The following USP54 variants were observed in gnomAD, a reference collection of about 807,000 sequenced individuals.
USP54 encodes ubiquitin specific peptidase 54.
A neutral mutation model predicts 170.5 loss-of-function variants in USP54; 87 were observed. The ratio of observed to expected loss-of-function variants is 0.51; its 90% CI spans 0.43 to 0.61. The LOEUF is 0.61. USP54 is among the 20% of genes least tolerant of loss of function. The probability of loss-of-function intolerance (pLI) is 0.00; values close to 1 mark genes in which losing one functional copy is unlikely to be tolerated. For missense variants in USP54, 1,786 were observed against 2,047.8 expected, an observed-to-expected ratio of 0.87 and a Z score of 2.47; for synonymous variants, 655 against 742.8, an observed-to-expected ratio of 0.88 and a Z score of 1.92.
chr10:73,555,469 T>C (rs1338386520), intron 4 of USP54, among the ~76,000 whole-genome samples: 1 of 152,168 alleles, frequency 6.6e-6, no homozygotes, highest in Non-Finnish European at 1.5e-5. Context: ...CTACCAGCTA[T>C]GCAAAATAGA....
intron 4 of USP54, among the ~76,000 whole-genome samples, chr10:73,568,966 A>C (rs571221277): frequency 6.6e-6 from 1 of 152,326 alleles, no homozygotes; most frequent in Admixed American, 6.5e-5. Context: ...AGGAAAATGA[A>C]ATATAACAAG....
intron 4 of USP54, among the ~76,000 whole-genome samples, chr10:73,565,892 T>C (rs1380462642): frequency 1.3e-5 from 2 of 152,174 alleles, no homozygotes; most frequent in African/African-American, 4.8e-5. Flanking sequence ...GTCATGTTGG[T>C]AGTCATCTGG....
chr10:73,514,941 G>A (rs777218139), intron 20 of USP54, among the ~76,000 whole-genome samples: 1 of 151,690 alleles, frequency 6.6e-6, no homozygotes, highest in African/African-American at 2.4e-5. Context: ...TTGGGAGGCT[G>A]AGGCAGGAGA....
intron 1 of USP54, among the ~76,000 whole-genome samples, chr10:73,618,400 T>G (rs2080819527): frequency 1.3e-5 from 2 of 150,178 alleles, no homozygotes; most frequent in South Asian, 4.1e-4. Flanking sequence ...TAGCCAGGAC[T>G]ATAGGCGCAT....
chr10:73,541,258 C>A, intron 9 of USP54, 117 bp downstream of exon 9: 1 of 1,448,580 alleles, frequency 6.9e-7, no homozygotes, highest in Non-Finnish European at 9.3e-7. Context: ...GTTTATCTGT[C>A]CAAAACATTA....
intron 15 of USP54, among the ~76,000 whole-genome samples, chr10:73,527,795 T>TTCAAG (rs2063188505): frequency 7.1e-6 from 1 of 141,198 alleles, no homozygotes; most frequent in Non-Finnish European, 1.5e-5. Flanking sequence ...AGCCCAGGAG[T>TTCAAG]TCAAGACAAG....
intron 7 of USP54, 80 bp from the exon 8 acceptor site, chr10:73,541,818 T>A: frequency 1.4e-6 from 2 of 1,413,690 alleles, no homozygotes; most frequent in Non-Finnish European, 2.0e-6. Context: ...CATTCCTAAC[T>A]CACACATTTG....
intron 10 of USP54, 127 bp downstream of exon 10, chr10:73,539,317 T>C: frequency 2.9e-6 from 1 of 344,010 alleles, no homozygotes; most frequent in Non-Finnish European, 4.3e-6. Flanking sequence ...AATATATATA[T>C]ATATATGTTT....
chr10:73,580,318 C>CAAAA (rs550717480), intron 1 of USP54, among the ~76,000 whole-genome samples: 1 of 64,398 alleles, frequency 1.6e-5, no homozygotes. Context: ...GACCCCATTT[C>CAAAA]AAAAAAAAAA....
intron 1 of USP54, among the ~76,000 whole-genome samples, chr10:73,590,279 C>G (rs1357246681): frequency 6.6e-6 from 1 of 152,082 alleles, no homozygotes; most frequent in Non-Finnish European, 1.5e-5. Context: ...CCAGCACTTA[C>G]CTCATATTAG....
intron 23 of USP54, among the ~76,000 whole-genome samples, chr10:73,500,100 A>G (rs1165046567): frequency 6.6e-6 from 1 of 152,136 alleles, no homozygotes; most frequent in Non-Finnish European, 1.5e-5. Context: ...CATCCAGTGC[A>G]TGAGGGGAAA....
At chr10:73,527,968 T>A (rs2063246671) in intron 15 of USP54, among the ~76,000 whole-genome samples, 1 of 152,130 alleles carries the variant, frequency 6.6e-6, no homozygotes, top group Admixed American at 6.5e-5. Flanking sequence ...GGAGTTTCGC[T>A]CTTGTCACCC....
upstream of USP54, among the ~76,000 whole-genome samples, chr10:73,596,039 A>C (rs1273174153): frequency 6.6e-6 from 1 of 151,196 alleles, no homozygotes; most frequent in African/African-American, 2.4e-5. Flanking sequence ...TGAACCCAGG[A>C]GGCGGAGGTT....
chr10:73,511,768 G>A lies in USP54; in HGVS notation c.4051+4607C>T, dbSNP rs1169125644. Reference sequence around the variant, plus strand: ...TTTTTTCTTTTTTTTTTTTGAGACAGTTTCACTCTTGTCACCCAGGCTGGA... The same window carrying A: ...TTTTTTCTTTTTTTTTTTTGAGACAATTTCACTCTTGTCACCCAGGCTGGA... On this transcript the variant is annotated intron_variant, in intron 20 of 23. Coordinates refer to ENST00000687698, the MANE Select transcript of USP54 (RefSeq NM_001391956.1). 2.7e-5 allele frequency among the ~76,000 whole-genome samples: 4 copies of A among 148,952 alleles called. No homozygotes were observed. The East Asian group carries it at 7.9e-4, about 30-fold the overall frequency.
Position 73,544,296 on chromosome 10 carries a change from A to C in USP54, c.376-1165T>G, listed in dbSNP as rs148628522. Among the ~76,000 whole-genome samples the C allele has an allele frequency of 1.3e-4, 20 of 152,286 alleles. No homozygotes were observed. The East Asian group carries it at 3.7e-3, about 28-fold the overall frequency. On this transcript the variant is annotated intron_variant, in intron 5 of 23. Transcript: ENST00000687698. ...CCTTGAGGTCTGTCCAAGTTGTGTAAATCAATAGTTTCTTTTTATTTTTAT... is the reference window on the plus strand; with the variant it reads ...CCTTGAGGTCTGTCCAAGTTGTGTACATCAATAGTTTCTTTTTATTTTTAT...
At chr10:73,580,402 T>A (rs559059637) in intron 1 of USP54, among the ~76,000 whole-genome samples, 2 of 151,258 alleles carry the variant, frequency 1.3e-5, no homozygotes, top group African/African-American at 4.9e-5. Context: ...AAATATATAG[T>A]CATGAGCTGT....
intron 20 of USP54, chr10:73,507,424 C>CA (rs1284142847): frequency 1.3e-5 from 2 of 152,002 alleles, no homozygotes; most frequent in Non-Finnish European, 2.9e-5. Flanking sequence ...CCTGTAGTCC[C>CA]AGCACTTTGG....
At chr10:73,618,119 G>A (rs906239025) in intron 1 of USP54, among the ~76,000 whole-genome samples, 13 of 149,806 alleles carry the variant, frequency 8.7e-5, no homozygotes, top group African/African-American at 3.3e-4. Flanking sequence ...GCTGAGGCAG[G>A]AAAATTGCTT....
chr10:73,497,751 G>C lies in USP54; in HGVS notation c.*878C>G, dbSNP rs1447596232. On this transcript the variant is annotated 3_prime_UTR_variant, in exon 24 of 24. Transcript: ENST00000687698. ...GTTATGTTGGCAGCTCCGCATTCTA[G>C]GCCTAAGGTTTGGAGGGCACAGGGA... The C allele has an allele frequency of 6.6e-6, 1 of 152,258 alleles. No individual in the cohort carries two copies. Among genetic ancestry groups the C allele is most frequent in the Non-Finnish European group, 1.5e-5 (1 of 68,076 alleles). 9.4% of individuals were successfully genotyped at this position (152,258 alleles called of 1,614,324 possible). A position where few individuals can be genotyped will look rare whatever the true frequency, so the allele number is the denominator to read the frequency against.
Sources: allele counts gnomAD v4.1 joint callset (sites outside exome capture counted in the v4.1 genomes callset), GRCh38; gene constraint gnomAD v4.1.1; transcripts MANE v1.5; gene names NCBI Gene and HGNC (gene_info 2026-07-23, HGNC 2026-07-21).